The following RIT2 variants were observed in gnomAD, a reference collection of about 807,000 sequenced individuals.
RIT2 encodes GTP-binding protein Rit2.
In RIT2, 24 loss-of-function variants were observed where a neutral mutation model predicts 23.7. The ratio of observed to expected loss-of-function variants is 1.01; its 90% CI spans 0.73 to 1.43. The LOEUF (loss-of-function observed/expected upper bound fraction) is 1.43, where lower values mean the gene tolerates loss of function less well. Among genes scored for constraint, RIT2 ranks in the 40% most tolerant of loss-of-function variants. The probability of loss-of-function intolerance (pLI) is 0.00; values close to 1 mark genes in which losing one functional copy is unlikely to be tolerated. For synonymous variants in RIT2, 107 were observed against 91.1 expected, an observed-to-expected ratio of 1.17 and a Z score of -0.99; for missense variants, 236 against 266.9, an observed-to-expected ratio of 0.88 and a Z score of 0.81.
intron 2 of RIT2, among the ~76,000 whole-genome samples, chr18:43,030,008 T>G (rs951196354): frequency 1.3e-5 from 2 of 152,062 alleles, no homozygotes; most frequent in African/African-American, 4.8e-5. Context: ...TAGAAATGTA[T>G]TTGCTTACTA....
chr18:43,109,528 T>G (rs897492014), intron 1 of RIT2, among the ~76,000 whole-genome samples: 2 of 152,180 alleles, frequency 1.3e-5, no homozygotes, highest in Non-Finnish European at 1.5e-5. Context: ...ATACTTTTCT[T>G]CTTCAGCATC....
rs148310033 is a variant in RIT2 at position 42,977,260 on chromosome 18, CAGTT to C, written c.161-3117_161-3114del. ...TAAATATCTATACTTCTGTAAAACACAGTTTTACACATTATCTGTAAAACACAGC... is the reference window on the plus strand; with the variant it reads ...TAAATATCTATACTTCTGTAAAACACTTACACATTATCTGTAAAACACAGC... On this transcript the variant is annotated intron_variant, in intron 2 of 4. Transcript: ENST00000326695. Among the ~76,000 whole-genome samples the C allele has an allele frequency of 1.2e-3, 178 of 151,420 alleles. No homozygotes were observed. The Middle Eastern group carries it at 0.017, about 14-fold the overall frequency.
intron 4 of RIT2, among the ~76,000 whole-genome samples, chr18:42,917,808 C>A (rs183658146): frequency 1.4e-4 from 22 of 152,216 alleles, no homozygotes; most frequent in African/African-American, 5.1e-4. Flanking sequence ...TTTGTTCTGT[C>A]TGGAATGCTC....
intron 3 of RIT2, among the ~76,000 whole-genome samples, chr18:42,936,868 C>T (rs560404629): frequency 4.1e-4 from 63 of 152,082 alleles, no homozygotes; most frequent in African/African-American, 1.4e-3. Context: ...AAAAAGTAGC[C>T]GGGCTTTGTG....
chr18:42,957,799 T>C (rs1910007427), intron 3 of RIT2, among the ~76,000 whole-genome samples: 1 of 152,228 alleles, frequency 6.6e-6, no homozygotes, highest in Admixed American at 6.5e-5. Flanking sequence ...ATTAATTAAC[T>C]AATTAATTGA....
intron 1 of RIT2, among the ~76,000 whole-genome samples, chr18:43,096,228 A>G (rs1205638873): frequency 6.6e-6 from 1 of 151,938 alleles, no homozygotes; most frequent in Non-Finnish European, 1.5e-5. Flanking sequence ...TAGCACCAGC[A>G]CACCAGACAC....
chr18:43,078,172 A>G (rs1321956196), intron 1 of RIT2, among the ~76,000 whole-genome samples: 1 of 152,044 alleles, frequency 6.6e-6, no homozygotes, highest in African/African-American at 2.4e-5. Context: ...TCAGTGTTTA[A>G]TTTTCTAATT....
At chr18:43,088,367 C>A (rs761940204) in intron 1 of RIT2, among the ~76,000 whole-genome samples, 5 of 152,080 alleles carry the variant, frequency 3.3e-5, no homozygotes, top group African/African-American at 4.8e-5. Context: ...TATGAATAAG[C>A]AGTCCACTAA....
intron 1 of RIT2, among the ~76,000 whole-genome samples, chr18:43,105,030 C>T (rs536794216): frequency 2.0e-5 from 3 of 152,062 alleles, no homozygotes; most frequent in East Asian, 3.9e-4. Context: ...CATAGCCCCT[C>T]TAATCAGGCC....
intron 4 of RIT2, among the ~76,000 whole-genome samples, chr18:42,814,891 C>A (rs775595974): frequency 1.3e-5 from 2 of 152,122 alleles, no homozygotes; most frequent in Admixed American, 1.3e-4. Flanking sequence ...GCCTGGTAGA[C>A]GTGCTGGGTG....
chr18:42,877,950 T>C (rs1327880223), intron 4 of RIT2, among the ~76,000 whole-genome samples: 2 of 151,896 alleles, frequency 1.3e-5, no homozygotes, highest in Admixed American at 6.6e-5. Context: ...AATTCTGTGT[T>C]TAGACTTCGG....
chr18:43,005,422 A>T (rs1911204686), intron 2 of RIT2, among the ~76,000 whole-genome samples: 1 of 151,832 alleles, frequency 6.6e-6, no homozygotes. Context: ...CCATGTTTTG[A>T]GAATGGAAAC....
chr18:42,822,983 C>T (rs980139377), intron 4 of RIT2, among the ~76,000 whole-genome samples: 2 of 152,112 alleles, frequency 1.3e-5, no homozygotes, highest in South Asian at 2.1e-4. Flanking sequence ...ACTGTTGAGA[C>T]TGTGCCCAAG....
intron 1 of RIT2, among the ~76,000 whole-genome samples, chr18:43,085,657 T>A (rs1162347257): frequency 2.0e-5 from 3 of 152,208 alleles, no homozygotes; most frequent in Non-Finnish European, 2.9e-5. Context: ...TCAATGTTGT[T>A]ATAAATGACA....
rs189913281 is a variant in RIT2 at position 43,110,493 on chromosome 18, A to G, written c.103+4924T>C. Among the ~76,000 whole-genome samples, 4 of 152,298 alleles carry G rather than the reference A, an allele frequency of 2.6e-5. No homozygotes were observed. In the East Asian group the frequency reaches 7.7e-4, roughly 29 times the overall value. ...GGCCTTGCTGTTTCAAACCACAGTG[A>G]CAAAGGTCAATATTTGAAACTGTTA... On this transcript the variant is annotated intron_variant, in intron 1 of 4. Transcript: ENST00000326695.
intron 4 of RIT2, among the ~76,000 whole-genome samples, chr18:42,868,526 T>C (rs1362798581): frequency 4.6e-5 from 7 of 152,350 alleles, no homozygotes; most frequent in Middle Eastern, 3.4e-3. Flanking sequence ...TTTCACACAT[T>C]ATTTCATTAC....
At chr18:42,880,804 C>CTTTTTTTTTTT (rs397966126) in intron 4 of RIT2, among the ~76,000 whole-genome samples, 3 of 115,558 alleles carry the variant, frequency 2.6e-5, no homozygotes, top group Non-Finnish European at 1.7e-5. Flanking sequence ...CTTCCTACCT[C>CTTTTTTTTTTT]TTTTTTTTTT....
At chr18:42,973,412 T>A (rs765002733) in intron 3 of RIT2, among the ~76,000 whole-genome samples, 2 of 151,894 alleles carry the variant, frequency 1.3e-5, no homozygotes, top group Non-Finnish European at 2.9e-5. Context: ...TGAGTTTATA[T>A]TTTTAACATA....
Position 42,772,373 on chromosome 18 carries a change from C to A in RIT2, c.427-28653G>T, listed in dbSNP as rs149887942. On this transcript the variant is annotated intron_variant, in intron 4 of 4. Coordinates refer to ENST00000326695, the MANE Select transcript of RIT2 (RefSeq NM_002930.4). ...AGTATCTTTCTCCTGAATTCACTTTCTTTCATTCCAAACATAAACCTCTTG... is the reference window on the plus strand; with the variant it reads ...AGTATCTTTCTCCTGAATTCACTTTATTTCATTCCAAACATAAACCTCTTG... 3.1e-4 allele frequency among the ~76,000 whole-genome samples: 47 copies of A among 152,242 alleles called. No individual in the cohort carries two copies. The East Asian group carries it at 8.9e-3, about 29-fold the overall frequency.
Sources: gnomAD v4.1 joint callset for allele counts (sites outside exome capture counted in the v4.1 genomes callset) on GRCh38, gnomAD v4.1.1 for gene constraint, MANE v1.5 for transcripts, NCBI Gene and HGNC (gene_info 2026-07-23, HGNC 2026-07-21) for gene names.